SH3BP5: variants seen among roughly 807,000 people sequenced by gnomAD.
The protein encoded by SH3BP5 is SH3 domain-binding protein 5.
In SH3BP5, 22 loss-of-function variants were observed where a neutral mutation model predicts 43.3. The ratio of observed to expected loss-of-function variants is 0.51; its 90% confidence interval spans 0.36 to 0.73. The LOEUF (loss-of-function observed/expected upper bound fraction) is 0.73. Among genes scored for constraint, SH3BP5 ranks in the 30% least tolerant of loss-of-function variants. SH3BP5 has a pLI of 0.00. For synonymous variants in SH3BP5, 255 were observed against 225.8 expected (o/e 1.13, Z -1.16); for missense variants, 529 against 586.9 (o/e 0.90, Z 1.02).
intron 3 of SH3BP5, among the ~76,000 whole-genome samples, chr3:15,282,251 T>C (rs1050991017): frequency 6.6e-6 from 1 of 152,126 alleles, no homozygotes; most frequent in Non-Finnish European, 1.5e-5. Context: ...GTACTGAAAA[T>C]ACATAATTAT....
chr3:15,328,924 G>A (rs1193168956), intron 2 of SH3BP5, among the ~76,000 whole-genome samples: 1 of 152,126 alleles, frequency 6.6e-6, no homozygotes, highest in Non-Finnish European at 1.5e-5. Flanking sequence ...TAATATAGTG[G>A]CAACTGGGCT....
upstream of SH3BP5, among the ~76,000 whole-genome samples, chr3:15,335,171 G>C (rs927058372): frequency 6.6e-6 from 1 of 152,010 alleles, no homozygotes; most frequent in African/African-American, 2.4e-5. Context: ...GAGGCAGGTG[G>C]ATCACCTGAG....
chr3:15,255,893 T>C lies in SH3BP5; in HGVS notation c.*193A>G. On this transcript the variant is annotated 3_prime_UTR_variant, in exon 9 of 9. Coordinates refer to ENST00000383791, the MANE Select transcript of SH3BP5 (RefSeq NM_004844.5). ...GTCACAGTCTACCCACAACAAGAAC[T>C]CTGCTCTGAAAAACCAGCCCAAGAG... is the stretch of plus-strand genomic sequence containing the variant. 5.1e-6 allele frequency: 3 copies of C among 592,972 alleles called. No individual in the cohort carries two copies. In the South Asian group the frequency reaches 6.1e-5, roughly 12 times the overall value. 36.7% of individuals were successfully genotyped at this position (592,972 alleles called of 1,614,324 possible). A position where few individuals can be genotyped will look rare whatever the true frequency, so the allele number is the denominator to read the frequency against.
chr3:15,324,354 G>A (rs1698406953), intron 2 of SH3BP5, among the ~76,000 whole-genome samples: 1 of 152,168 alleles, frequency 6.6e-6, no homozygotes, highest in African/African-American at 2.4e-5. Context: ...TTGAATCCAG[G>A]AGACGGCAAG....
At chr3:15,266,611 G>A (rs1237595997) in intron 4 of SH3BP5, among the ~76,000 whole-genome samples, 1 of 152,232 alleles carries the variant, frequency 6.6e-6, no homozygotes, top group Admixed American at 6.5e-5. Context: ...AAGCTCCCCA[G>A]CTGGAGAGCA....
At chr3:15,308,882 A>G (rs1251807935) in intron 2 of SH3BP5, among the ~76,000 whole-genome samples, 1 of 152,198 alleles carries the variant, frequency 6.6e-6, no homozygotes, top group Non-Finnish European at 1.5e-5. Context: ...TTAAGTCTCA[A>G]GTAATTTATT....
chr3:15,267,238 C>T (rs546983692), intron 4 of SH3BP5, among the ~76,000 whole-genome samples: 8 of 152,274 alleles, frequency 5.3e-5, no homozygotes, highest in South Asian at 2.1e-4. Context: ...CCCAGTTACT[C>T]GACACTGTTT....
chr3:15,303,513 C>A (rs529138725), intron 3 of SH3BP5, among the ~76,000 whole-genome samples: 3 of 152,092 alleles, frequency 2.0e-5, no homozygotes. Flanking sequence ...CCCATTTCCA[C>A]GCAGCCCCCA....
At chr3:15,332,845 A>T (rs766792154), upstream of SH3BP5, among the ~76,000 whole-genome samples, 38 of 152,146 alleles carry the variant, frequency 2.5e-4, no homozygotes, top group Non-Finnish European at 4.6e-4. Context: ...CCCTCCTCCG[A>T]GGCTCGTTGT....
intron 3 of SH3BP5, among the ~76,000 whole-genome samples, chr3:15,272,549 TGCCTGTAGGATAAAGACATTACAAAAC>T: frequency 9.6e-6 from 1 of 104,418 alleles, no homozygotes; most frequent in Non-Finnish European, 1.9e-5. Flanking sequence ...CAAAACAGAG[TGCCTGTAGGATAAAGACATTACAAAAC>T]AGAGTGCCTG....
intron 3 of SH3BP5, chr3:15,271,678 CA>C (rs35556033): frequency 0.16 from 22,500 of 142,406 alleles, 2,070 homozygotes; most frequent in African/African-American, 0.27. Context: ...AATTCTGTCT[CA>C]AAAAAAAAAA....
rs548450911 is a variant in SH3BP5, at chr3:15,304,006, G to A, written c.330+97C>T. ...TGCATTTAAGACATATTGGACTCGA[G>A]CTTCTAACCTTCAGCAGGTGATACA... On this transcript the variant is annotated intron_variant, in intron 3 of 8. Coordinates refer to ENST00000383791, the MANE Select transcript of SH3BP5 (RefSeq NM_004844.5). The A allele has an allele frequency of 8.0e-4, 811 of 1,007,802 alleles. 5 individuals carry two copies. In the South Asian group the frequency reaches 8.3e-3, roughly 10 times the overall value. The allele number at this position is 1,007,802 out of a possible 1,614,324, so 62.4% of individuals were successfully genotyped here.
At chr3:15,294,416 T>C (rs549252081) in intron 3 of SH3BP5, among the ~76,000 whole-genome samples, 1 of 151,912 alleles carries the variant, frequency 6.6e-6, no homozygotes, top group Non-Finnish European at 1.5e-5. Context: ...AAATTACTCT[T>C]CTTCCTCCTC....
At chr3:15,278,691 G>A (rs946986322) in intron 3 of SH3BP5, among the ~76,000 whole-genome samples, 10 of 152,132 alleles carry the variant, frequency 6.6e-5, no homozygotes, top group African/African-American at 1.7e-4. Flanking sequence ...TTTTCACACC[G>A]AGGTGCTTCT....
intron 2 of SH3BP5, among the ~76,000 whole-genome samples, chr3:15,326,109 C>G (rs916471280): frequency 5.3e-5 from 8 of 152,194 alleles, no homozygotes; most frequent in Non-Finnish European, 1.0e-4. Flanking sequence ...CAAGGGCTCT[C>G]TGGTTAAAAG....
At chr3:15,264,394 G>C (rs1422072493) in intron 4 of SH3BP5, 1 of 151,888 alleles carries the variant, frequency 6.6e-6, no homozygotes, top group Non-Finnish European at 1.5e-5. Flanking sequence ...GGCACTCTTG[G>C]TTTTCTATGA....
intron 2 of SH3BP5, among the ~76,000 whole-genome samples, chr3:15,324,329 A>C (rs1184650309): frequency 2.6e-5 from 4 of 152,114 alleles, no homozygotes; most frequent in African/African-American, 9.7e-5. Flanking sequence ...CCCTCACCCC[A>C]CTACAATTGC....
intron 2 of SH3BP5, among the ~76,000 whole-genome samples, chr3:15,328,750 C>T (rs1391702795): frequency 6.6e-6 from 1 of 152,020 alleles, no homozygotes; most frequent in African/African-American, 2.4e-5. Context: ...TGGAAAATGC[C>T]TGGGAGTATA....
intron 2 of SH3BP5, among the ~76,000 whole-genome samples, chr3:15,318,597 T>C (rs1698243206): frequency 6.6e-6 from 1 of 151,032 alleles, no homozygotes; most frequent in Admixed American, 6.6e-5. Flanking sequence ...GAGTCTCGCT[T>C]TGTCACCCAG....
Sources: gnomAD v4.1 joint callset for allele counts (sites outside exome capture counted in the v4.1 genomes callset) on GRCh38, gnomAD v4.1.1 for gene constraint, MANE v1.5 for transcripts, NCBI Gene and HGNC (gene_info 2026-07-23, HGNC 2026-07-21) for gene names.